The following PEPD variants were observed in gnomAD, a reference collection of about 807,000 sequenced individuals.
The protein encoded by PEPD is xaa-Pro dipeptidase.
In PEPD, 53 loss-of-function variants were observed where a neutral mutation model predicts 60.7. The ratio of observed to expected loss-of-function variants is 0.87; its 90% CI spans 0.70 to 1.10. The LOEUF (loss-of-function observed/expected upper bound fraction) is 1.10. Ranked by LOEUF, PEPD falls within the 50% of genes least tolerant of loss-of-function variation. The pLI is 0.00. For missense variants in PEPD, 711 were observed against 711.9 expected (o/e 1.00, Z 0.01); for synonymous variants, 267 against 284.1 (o/e 0.94, Z 0.60).
chr19:33,446,898 C>T (rs1003454886), intron 9 of PEPD, among the ~76,000 whole-genome samples: 2 of 152,214 alleles, frequency 1.3e-5, no homozygotes, highest in Non-Finnish European at 2.9e-5. Context: ...CCCCTCTTAT[C>T]TTGCTGGGAT....
intron 7 of PEPD, among the ~76,000 whole-genome samples, chr19:33,474,140 C>T (rs1765470698): frequency 1.3e-5 from 2 of 152,212 alleles, no homozygotes; most frequent in South Asian, 4.1e-4. Context: ...GGCCCCAGCA[C>T]AAGACCATTC....
intron 9 of PEPD, among the ~76,000 whole-genome samples, chr19:33,442,332 G>A (rs551366083): frequency 1.1e-4 from 17 of 151,998 alleles, no homozygotes; most frequent in African/African-American, 2.2e-4. Flanking sequence ...GCTTGAACCC[G>A]GGAGGCGGAG....
chr19:33,436,475 T>G (rs956184068), intron 9 of PEPD, among the ~76,000 whole-genome samples: 1 of 152,164 alleles, frequency 6.6e-6, no homozygotes, highest in Non-Finnish European at 1.5e-5. Context: ...CAAGGCTGCA[T>G]GGCTGCATGG....
At chr19:33,486,861 G>A (rs962274349) in intron 6 of PEPD, 11 of 151,162 alleles carry the variant, frequency 7.3e-5, no homozygotes, top group African/African-American at 2.7e-4. Flanking sequence ...AGGGGATAAG[G>A]GGAGCTGGGG....
chr19:33,402,910 C>T (rs923976909), intron 11 of PEPD, among the ~76,000 whole-genome samples: 20 of 152,160 alleles, frequency 1.3e-4, no homozygotes, highest in African/African-American at 4.8e-4. Flanking sequence ...CTCTGGATGC[C>T]CTGTAAGAGG....
At chr19:33,398,989 T>C (rs1260191009) in intron 12 of PEPD, among the ~76,000 whole-genome samples, 1 of 152,034 alleles carries the variant, frequency 6.6e-6, no homozygotes, top group Non-Finnish European at 1.5e-5. Context: ...CAGCTCCTTT[T>C]TGTTTGTTTT....
chr19:33,413,746 C>T, intron 9 of PEPD, 103 bp from the exon 10 acceptor site: 1 of 721,352 alleles, frequency 1.4e-6, no homozygotes. Context: ...CATGGTCTCC[C>T]CTGCCGTGGC....
At chr19:33,446,533 C>T (rs1158793343) in intron 9 of PEPD, among the ~76,000 whole-genome samples, 1 of 152,228 alleles carries the variant, frequency 6.6e-6, no homozygotes, top group East Asian at 1.9e-4. Context: ...GTGCCCATGC[C>T]ATCCCCAAGC....
chr19:33,476,246 G>A (rs532562148), intron 7 of PEPD, among the ~76,000 whole-genome samples: 1 of 152,248 alleles, frequency 6.6e-6, no homozygotes, highest in African/African-American at 2.4e-5. Flanking sequence ...TGTGAGGGGC[G>A]TCGGACCCAC....
At chr19:33,507,894 G>A (rs776408435) in intron 3 of PEPD, among the ~76,000 whole-genome samples, 1 of 152,116 alleles carries the variant, frequency 6.6e-6, no homozygotes, top group South Asian at 2.1e-4. Flanking sequence ...CCTGCTCGGG[G>A]TGGCTGTGGT....
Position 33,387,264 on chromosome 19 carries a change from AG to A in PEPD, c.*79del, listed in dbSNP as rs1470862500. 87 of 1,537,076 alleles carry A rather than the reference AG, an allele frequency of 5.7e-5. No individual in the cohort carries two copies. The highest frequency in any genetic ancestry group is 6.9e-5 in the Non-Finnish European group (77 of 1,117,162). Reference sequence around the variant, plus strand: ...TCTGGGTGCCGTCTCTCGCTACTGGAGTGCTGACCAGCAGGCTGCCCATCAC... The same window carrying A: ...TCTGGGTGCCGTCTCTCGCTACTGGATGCTGACCAGCAGGCTGCCCATCAC... On this transcript the variant is annotated 3_prime_UTR_variant, in exon 15 of 15. Transcript: ENST00000244137.
intron 9 of PEPD, among the ~76,000 whole-genome samples, chr19:33,451,643 C>T (rs1406377282): frequency 6.6e-6 from 1 of 152,182 alleles, no homozygotes; most frequent in Non-Finnish European, 1.5e-5. Context: ...TCCATTTGAA[C>T]AATGAGTATG....
At chr19:33,453,317 A>AAAAATAAATAAAT (rs1555762504) in intron 9 of PEPD, among the ~76,000 whole-genome samples, 6 of 148,656 alleles carry the variant, frequency 4.0e-5, no homozygotes, top group South Asian at 2.1e-4. Flanking sequence ...CTGTCATAAA[A>AAAAATAAATAAAT]AAATAAATAA....
chr19:33,488,606 G>T (rs1444904330), intron 6 of PEPD, among the ~76,000 whole-genome samples: 3 of 152,164 alleles, frequency 2.0e-5, no homozygotes, highest in Non-Finnish European at 2.9e-5. Context: ...GCTGCCAGGC[G>T]TGGGAGGCGG....
At chr19:33,421,400 G>A (rs1485520981) in intron 9 of PEPD, among the ~76,000 whole-genome samples, 3 of 152,226 alleles carry the variant, frequency 2.0e-5, no homozygotes, top group Non-Finnish European at 2.9e-5. Flanking sequence ...CCGGTCCAGC[G>A]CAGGGGCTGG....
At chr19:33,514,657 G>A (rs954702210) in intron 1 of PEPD, among the ~76,000 whole-genome samples, 1 of 151,844 alleles carries the variant, frequency 6.6e-6, no homozygotes, top group South Asian at 2.1e-4. Context: ...ACATGAGGCT[G>A]GGGTCAGGAG....
At chr19:33,475,618 C>G (rs1330684479) in intron 7 of PEPD, among the ~76,000 whole-genome samples, 1 of 152,116 alleles carries the variant, frequency 6.6e-6, no homozygotes, top group Middle Eastern at 3.2e-3. Context: ...TTGAAAGTGA[C>G]GAATTAATGA....
intron 7 of PEPD, among the ~76,000 whole-genome samples, chr19:33,476,482 C>T (rs78912462): frequency 0.075 from 11,391 of 152,050 alleles, 522 homozygotes; most frequent in Non-Finnish European, 0.11. Context: ...CCTTCACTCA[C>T]GCATCATAAC....
At chr19:33,469,917 A>G (rs1054097574) in intron 7 of PEPD, among the ~76,000 whole-genome samples, 23 of 151,048 alleles carry the variant, frequency 1.5e-4, no homozygotes, top group African/African-American at 5.4e-4. Flanking sequence ...TTCTCGCAGA[A>G]GGCGTGGTTC....
Sources: allele counts gnomAD v4.1 joint callset (sites outside exome capture counted in the v4.1 genomes callset), GRCh38; gene constraint gnomAD v4.1.1; transcripts MANE v1.5; gene names NCBI Gene and HGNC (gene_info 2026-07-23, HGNC 2026-07-21).